RPS6KC1: variants seen among roughly 807,000 people sequenced by gnomAD.
RPS6KC1 encodes ribosomal protein S6 kinase C1, also known as inactive ribosomal protein S6 kinase delta-1.
Under a neutral mutation model 103.8 loss-of-function variants are expected in RPS6KC1, and 54 were observed. The ratio of observed to expected loss-of-function variants is 0.52; its 90% CI spans 0.42 to 0.65. The LOEUF (loss-of-function observed/expected upper bound fraction) is 0.65, where lower values mean the gene tolerates loss of function less well. Ranked by LOEUF, RPS6KC1 falls within the 30% of genes least tolerant of loss-of-function variation. The pLI is 0.00. For missense variants in RPS6KC1, 1,151 were observed against 1,253.8 expected, an observed-to-expected ratio of 0.92 and a Z score of 1.24; for synonymous variants, 439 against 438.7, an observed-to-expected ratio of 1.00 and a Z score of -0.01.
At chr1:213,631,011 AGG>A in the RPS6KC1 span, among the ~76,000 whole-genome samples, 1 of 152,198 alleles carries the variant, frequency 6.6e-6, no homozygotes, top group Admixed American at 6.5e-5. Context: ...CCTCTGAGCC[AGG>A]TGTGGGATAT....
chr1:213,616,081 T>C, the RPS6KC1 span, among the ~76,000 whole-genome samples: 1 of 152,210 alleles, frequency 6.6e-6, no homozygotes, highest in Non-Finnish European at 1.5e-5. Flanking sequence ...AGGCTGGAGT[T>C]TGGGAAAGGG....
At chr1:213,626,608 G>A in the RPS6KC1 span, among the ~76,000 whole-genome samples, 1 of 152,280 alleles carries the variant, frequency 6.6e-6, no homozygotes, top group Non-Finnish European at 1.5e-5. Context: ...TTTGTATAAG[G>A]TGTGAGGAAG....
At chr1:213,187,819 G>GT (rs1399343938) in intron 8 of RPS6KC1, among the ~76,000 whole-genome samples, 1 of 151,514 alleles carries the variant, frequency 6.6e-6, no homozygotes, top group African/African-American at 2.4e-5. Flanking sequence ...ATTTATTCTA[G>GT]TTTTTTTTCT....
At chr1:213,404,090 G>A in the RPS6KC1 span, among the ~76,000 whole-genome samples, 1 of 152,214 alleles carries the variant, frequency 6.6e-6, no homozygotes, top group South Asian at 2.1e-4. Flanking sequence ...GATCTCAGCT[G>A]GAGACCTGCC....
the RPS6KC1 span, among the ~76,000 whole-genome samples, chr1:213,345,016 AT>A: frequency 2.0e-5 from 3 of 152,094 alleles, no homozygotes; most frequent in Non-Finnish European, 4.4e-5. Flanking sequence ...CTTTTAGTAT[AT>A]TTTTCTTCAA....
At chr1:213,725,297 A>G in the RPS6KC1 span, among the ~76,000 whole-genome samples, 1 of 152,224 alleles carries the variant, frequency 6.6e-6, no homozygotes, top group Non-Finnish European at 1.5e-5. Flanking sequence ...AGCATGAAAT[A>G]TTTTACAACA....
intron 2 of RPS6KC1, among the ~76,000 whole-genome samples, chr1:213,071,531 G>T (rs899945246): frequency 6.6e-6 from 1 of 152,152 alleles, no homozygotes; most frequent in Non-Finnish European, 1.5e-5. Flanking sequence ...TTAAGTTTTA[G>T]TAGGTGTTAA....
chr1:213,513,585 C>G, the RPS6KC1 span, among the ~76,000 whole-genome samples: 1 of 152,280 alleles, frequency 6.6e-6, no homozygotes, highest in African/African-American at 2.4e-5. Flanking sequence ...AATCTAACCC[C>G]ATTCTCAGGG....
intron 8 of RPS6KC1, among the ~76,000 whole-genome samples, chr1:213,177,202 T>C (rs2091932104): frequency 2.0e-5 from 3 of 152,230 alleles, no homozygotes; most frequent in African/African-American, 7.2e-5. Context: ...ATATTAACAG[T>C]ACTGTTCCTA....
chr1:213,458,748 G>A, the RPS6KC1 span, among the ~76,000 whole-genome samples: 4 of 152,148 alleles, frequency 2.6e-5, no homozygotes, highest in Non-Finnish European at 5.9e-5. Flanking sequence ...CCGTGGGTTT[G>A]TCATAAATAG....
the RPS6KC1 span, among the ~76,000 whole-genome samples, chr1:213,404,770 A>C: frequency 1.3e-5 from 2 of 152,372 alleles, no homozygotes; most frequent in Non-Finnish European, 2.9e-5. Flanking sequence ...GATGGCACCC[A>C]CGGCCTCCCA....
In RPS6KC1 at chr1:213,101,783, A is replaced by T. The variant is rs530540681; in HGVS notation, c.263-2671A>T. 3.9e-5 allele frequency among the ~76,000 whole-genome samples: 6 copies of T among 152,190 alleles called. No homozygotes were observed. In the South Asian group the frequency reaches 8.3e-4, roughly 21 times the overall value. ...ACTAATATTAATTTATAGGCACTTG[A>T]ATTTACTTTTTTCTTTAAGCGATAA... On this transcript the variant is annotated intron_variant, in intron 3 of 14. Coordinates refer to ENST00000366960, the MANE Select transcript of RPS6KC1 (RefSeq NM_012424.6).
chr1:213,706,791 A>G, the RPS6KC1 span, among the ~76,000 whole-genome samples: 1 of 151,996 alleles, frequency 6.6e-6, no homozygotes, highest in African/African-American at 2.4e-5. Context: ...GAGTGAGAAC[A>G]TGAGGTGTTT....
chr1:213,649,584 A>G, the RPS6KC1 span, among the ~76,000 whole-genome samples: 1 of 151,990 alleles, frequency 6.6e-6, no homozygotes, highest in Admixed American at 6.6e-5. Context: ...AGCCTTTGCT[A>G]ACCCTCCCTC....
the RPS6KC1 span, among the ~76,000 whole-genome samples, chr1:213,764,736 C>G: frequency 6.6e-6 from 1 of 152,168 alleles, no homozygotes; most frequent in Non-Finnish European, 1.5e-5. Context: ...GTTGGTTCCT[C>G]TCAAGGTCAT....
At chr1:213,763,524 T>C in the RPS6KC1 span, among the ~76,000 whole-genome samples, 1 of 152,194 alleles carries the variant, frequency 6.6e-6, no homozygotes, top group Non-Finnish European at 1.5e-5. Context: ...TCATGGGACC[T>C]GGTCCTTGAC....
the RPS6KC1 span, among the ~76,000 whole-genome samples, chr1:213,291,305 C>G: frequency 6.6e-6 from 1 of 152,226 alleles, no homozygotes; most frequent in African/African-American, 2.4e-5. Context: ...CCTTTTTATA[C>G]TTTGAGGAGA....
At chr1:213,117,549 T>G in intron 5 of RPS6KC1, 139 bp downstream of exon 5, 1 of 536,694 alleles carries the variant, frequency 1.9e-6, no homozygotes, top group Non-Finnish European at 3.3e-6. Flanking sequence ...TTTCTTTACA[T>G]TTTATTATCA....
chr1:213,614,952 C>A, the RPS6KC1 span, among the ~76,000 whole-genome samples: 5,082 of 152,250 alleles, frequency 0.033, 118 homozygotes, highest in Non-Finnish European at 0.05. Context: ...TCAAAAAATT[C>A]TCCTGCTTCG....
Sources: gnomAD v4.1 joint callset for allele counts (sites outside exome capture counted in the v4.1 genomes callset) on GRCh38, gnomAD v4.1.1 for gene constraint, MANE v1.5 for transcripts, NCBI Gene and HGNC (gene_info 2026-07-23, HGNC 2026-07-21) for gene names.